Variants in INPP4A observed in about 807,000 individuals in gnomAD.
The protein encoded by INPP4A is inositol polyphosphate-4-phosphatase, type I, 107kD.
INPP4A carries 33 observed loss-of-function variants against 119.8 expected under a neutral mutation model. The ratio of observed to expected loss-of-function variants is 0.28; its 90% CI spans 0.21 to 0.37. The LOEUF (loss-of-function observed/expected upper bound fraction) is 0.37, where lower values mean the gene tolerates loss of function less well. Among genes scored for constraint, INPP4A ranks in the 10% least tolerant of loss-of-function variants. INPP4A has a pLI of 1.00. For missense variants in INPP4A, 956 were observed against 1,289.9 expected, an observed-to-expected ratio of 0.74 and a Z score of 3.97; for synonymous variants, 496 against 500.7, an observed-to-expected ratio of 0.99 and a Z score of 0.12.
rs183927219 is a variant in INPP4A, at chr2:98,532,046, C to T, written c.152-1331C>T. 1.7e-3 allele frequency among the ~76,000 whole-genome samples: 254 copies of T among 152,270 alleles called. 2 individuals carry two copies. The highest frequency in any genetic ancestry group is 5.8e-3 in the African/African-American group (240 of 41,556). ...GTAATTAGAACCCAAAAGAGCAGAT[C>T]GAGCTGTGAACAGTGGTTAGTTAGA... On this transcript the variant is annotated intron_variant, in intron 4 of 24. Transcript: ENST00000409851.
Position 98,468,139 on chromosome 2 carries a change from C to T in INPP4A, c.-166+23054C>T, listed in dbSNP as rs1207741161. Among the ~76,000 whole-genome samples, 115 of 152,326 alleles carry T rather than the reference C, an allele frequency of 7.5e-4. 1 individual carries two copies. Among genetic ancestry groups the T allele is most frequent in the Non-Finnish European group, 1.5e-5 (1 of 68,028 alleles). On this transcript the variant is annotated intron_variant, in intron 1 of 24. Transcript: ENST00000409851. Reference sequence around the variant, plus strand: ...GAATTTGTAATAACCCTGAGTAAATCTTAGTGGACTAATAGTAAAACTTTG... The same window carrying T: ...GAATTTGTAATAACCCTGAGTAAATTTTAGTGGACTAATAGTAAAACTTTG...
chr2:98,472,738 C>T (rs1676310000), intron 1 of INPP4A, among the ~76,000 whole-genome samples: 1 of 152,226 alleles, frequency 6.6e-6, no homozygotes, highest in Admixed American at 6.5e-5. Flanking sequence ...GGTTTGAGAA[C>T]CTGATATTCT....
At chr2:98,453,015 C>T (rs1695499636) in intron 1 of INPP4A, among the ~76,000 whole-genome samples, 1 of 152,204 alleles carries the variant, frequency 6.6e-6, no homozygotes, top group African/African-American at 2.4e-5. Context: ...TGACTACTTT[C>T]AGTGGTGATT....
At chr2:98,538,759 T>C (rs1009902585) in intron 8 of INPP4A, 132 bp from the exon 9 acceptor site, 2 of 592,138 alleles carry the variant, frequency 3.4e-6, no homozygotes, top group Non-Finnish European at 6.1e-6. Context: ...GCAGCATATT[T>C]ATTGTAGAGT....
At chr2:98,458,751 A>C (rs997491754) in intron 1 of INPP4A, among the ~76,000 whole-genome samples, 1 of 152,146 alleles carries the variant, frequency 6.6e-6, no homozygotes, top group Non-Finnish European at 1.5e-5. Context: ...TGGGACCCCT[A>C]AGTATGCAGC....
intron 13 of INPP4A, among the ~76,000 whole-genome samples, chr2:98,551,959 C>T (rs1040686589): frequency 6.6e-6 from 1 of 152,140 alleles, no homozygotes; most frequent in African/African-American, 2.4e-5. Context: ...GCCAGGCCCC[C>T]ACAGCGGGAG....
chr2:98,470,824 C>T (rs993618527), intron 1 of INPP4A, among the ~76,000 whole-genome samples: 6 of 152,076 alleles, frequency 3.9e-5, no homozygotes, highest in Admixed American at 2.6e-4. Context: ...CGCACCACCA[C>T]GCCCGGCTAA....
intron 1 of INPP4A, among the ~76,000 whole-genome samples, chr2:98,448,728 T>TTTTA (rs1553457224): frequency 7.0e-6 from 1 of 142,000 alleles, no homozygotes; most frequent in African/African-American, 2.6e-5. Flanking sequence ...TTTTTTTTTT[T>TTTTA]AAAGAGACAA....
chr2:98,564,893 AC>A, intron 19 of INPP4A, 130 bp downstream of exon 19: 1 of 1,148,674 alleles, frequency 8.7e-7, no homozygotes, highest in Non-Finnish European at 1.2e-6. Context: ...ATAACAGCAG[AC>A]CAGATGGCAG....
At chr2:98,576,672 G>A (rs1404109737) in intron 23 of INPP4A, among the ~76,000 whole-genome samples, 1 of 152,220 alleles carries the variant, frequency 6.6e-6, no homozygotes, top group African/African-American at 2.4e-5. Context: ...GCCCAGGCAT[G>A]GCTTGGAAGG....
chr2:98,576,116 A>G (rs558016533), intron 23 of INPP4A, among the ~76,000 whole-genome samples: 1 of 152,380 alleles, frequency 6.6e-6, no homozygotes, highest in Non-Finnish European at 1.5e-5. Context: ...GGGATAAGTA[A>G]AGATTGCAAG....
At position 98,519,956 on chromosome 2, in the gene INPP4A, A is replaced by G. The variant is rs1686871692; in HGVS notation, c.-93A>G. On this transcript the variant is annotated 5_prime_UTR_variant, in exon 3 of 25. Transcript: ENST00000409851. ...TGCTCCTTTTCTCAGGGCTACTGCC[A>G]CTTTAGTGGACTAGGGCTCGGTGCC... is the stretch of plus-strand genomic sequence containing the variant. 6.3e-6 allele frequency: 6 copies of G among 952,118 alleles called. No individual in the cohort carries two copies. The Middle Eastern group carries it at 8.3e-4, about 132-fold the overall frequency. The allele number at this position is 952,118 out of a possible 1,614,324, so 59.0% of individuals were successfully genotyped here. A position where few individuals can be genotyped will look rare whatever the true frequency, so the allele number is the denominator to read the frequency against.
intron 1 of INPP4A, among the ~76,000 whole-genome samples, chr2:98,481,986 T>G (rs1678567021): frequency 6.6e-6 from 1 of 152,238 alleles, no homozygotes; most frequent in Admixed American, 6.5e-5. Context: ...CACTGTGTAC[T>G]TTAAAAGCTC....
At chr2:98,527,477 G>A (rs542769768) in intron 4 of INPP4A, among the ~76,000 whole-genome samples, 1 of 152,200 alleles carries the variant, frequency 6.6e-6, no homozygotes, top group Non-Finnish European at 1.5e-5. Flanking sequence ...GAAAGCTGGG[G>A]AATGAGATAT....
intron 1 of INPP4A, among the ~76,000 whole-genome samples, chr2:98,508,011 A>G (rs1189914069): frequency 6.6e-6 from 1 of 152,192 alleles, no homozygotes; most frequent in Non-Finnish European, 1.5e-5. Flanking sequence ...GGTGAATGCA[A>G]AACACTGTAC....
chr2:98,530,963 C>A (rs955039525), intron 4 of INPP4A, among the ~76,000 whole-genome samples: 4 of 152,182 alleles, frequency 2.6e-5, no homozygotes, highest in Non-Finnish European at 5.9e-5. Context: ...TGATGGGGGC[C>A]AGCTTCCTGG....
At position 98,552,813 on chromosome 2, in the gene INPP4A, C is replaced by A. The variant is rs762599387; in HGVS notation, c.1191C>A (p.Ile397=). Residue 397 remains isoleucine, a synonymous_variant, in exon 14 of 25, where the codon ATC becomes ATA. Coordinates refer to ENST00000409851, the MANE Select transcript of INPP4A (RefSeq NM_001134225.2). ...KHTSSGCQSI[I]YIPQDVVRAK... ...CATCATCTGGCTGCCAGTCCATAAT[C>A]TACATACCCCAGGATGTTGTCAGAG... 1 of 1,613,686 alleles carries A rather than the reference C, an allele frequency of 6.2e-7. No individual in the cohort carries two copies. The highest frequency in any genetic ancestry group is 1.3e-5 in the African/African-American group (1 of 75,052).
At chr2:98,580,990 G>T (rs1211344296) in intron 24 of INPP4A, among the ~76,000 whole-genome samples, 1 of 152,228 alleles carries the variant, frequency 6.6e-6, no homozygotes, top group Non-Finnish European at 1.5e-5. Flanking sequence ...GCCTGCCACT[G>T]CTGAGCCTGG....
chr2:98,551,234 G>A (rs896302316), intron 13 of INPP4A, among the ~76,000 whole-genome samples: 5 of 152,212 alleles, frequency 3.3e-5, no homozygotes, highest in African/African-American at 1.2e-4. Context: ...AGGATTATAG[G>A]CCACCATGCT....
Sources: gnomAD v4.1 joint callset for allele counts (sites outside exome capture counted in the v4.1 genomes callset) on GRCh38, gnomAD v4.1.1 for gene constraint, MANE v1.5 for transcripts, NCBI Gene and HGNC (gene_info 2026-07-23, HGNC 2026-07-21) for gene names.